RBFOX1: variants seen among roughly 807,000 people sequenced by gnomAD.
The protein encoded by RBFOX1 is RNA binding protein fox-1 homolog 1.
In RBFOX1, 8 loss-of-function variants were observed where a neutral mutation model predicts 57.7. That is an observed-to-expected ratio of 0.14 (90% CI 0.08 to 0.25). The LOEUF (loss-of-function observed/expected upper bound fraction) is 0.25. RBFOX1 is among the 10% of genes least tolerant of loss of function. The pLI is 1.00. For missense variants in RBFOX1, 611 were observed against 548.5 expected, an observed-to-expected ratio of 1.11 and a Z score of -1.14; for synonymous variants, 326 against 222.4, an observed-to-expected ratio of 1.47 and a Z score of -4.15.
chr16:7,212,003 C>T (rs780987921), intron 4 of RBFOX1, among the ~76,000 whole-genome samples: 11 of 152,140 alleles, frequency 7.2e-5, no homozygotes, highest in Non-Finnish European at 1.2e-4. Context: ...CCCCAAATAA[C>T]CTGCCTTGCC....
rs532846383 is a variant in RBFOX1, at chr16:6,435,295, G to GT, written c.-64+118244dup. Among the ~76,000 whole-genome samples the GT allele has an allele frequency of 2.0e-3, 300 of 152,096 alleles. 2 individuals carry two copies. Among genetic ancestry groups the GT allele is most frequent in the South Asian group, 5.2e-3 (25 of 4,816 alleles). On this transcript the variant is annotated intron_variant, in intron 2 of 15. Coordinates refer to ENST00000550418, the MANE Select transcript of RBFOX1 (RefSeq NM_018723.4). ...TTTTGTTATTGTTGTTATTGTTGTTGTTTTTTGTTTTGTTTTTGTTTTTGA... is the reference window on the plus strand; with the variant it reads ...TTTTGTTATTGTTGTTATTGTTGTTGTTTTTTTGTTTTGTTTTTGTTTTTGA...
chr16:6,802,020 T>C (rs1011955122), intron 3 of RBFOX1, among the ~76,000 whole-genome samples: 2 of 152,220 alleles, frequency 1.3e-5, no homozygotes, highest in East Asian at 1.9e-4. Flanking sequence ...GGAGTTCTTT[T>C]AGACCCCGCA....
chr16:5,609,140 G>A (rs1358775723), intron 3 of RBFOX1, among the ~76,000 whole-genome samples: 1 of 152,226 alleles, frequency 6.6e-6, no homozygotes, highest in Non-Finnish European at 1.5e-5. Context: ...GGAGGGAGGG[G>A]AGAGGGCTCT....
chr16:5,956,673 TATATA>T (rs1567189822), intron 4 of RBFOX1, among the ~76,000 whole-genome samples: 3 of 54,578 alleles, frequency 5.5e-5, no homozygotes, highest in East Asian at 4.9e-4. Flanking sequence ...TATATATATA[TATATA>T]TTTTTTTTGA....
At chr16:6,587,916 C>T (rs1242428122) in intron 2 of RBFOX1, among the ~76,000 whole-genome samples, 1 of 152,134 alleles carries the variant, frequency 6.6e-6, no homozygotes, top group African/African-American at 2.4e-5. Flanking sequence ...CTAAAGGCTT[C>T]AACATGCTTC....
chr16:5,274,106 A>G (rs1445340774), intron 1 of RBFOX1, among the ~76,000 whole-genome samples: 2 of 152,334 alleles, frequency 1.3e-5, no homozygotes, highest in African/African-American at 4.8e-5. Flanking sequence ...TGCATTTTCT[A>G]CTGGATGCAG....
intron 11 of RBFOX1, among the ~76,000 whole-genome samples, chr16:7,646,912 T>C (rs932652231): frequency 1.3e-5 from 2 of 152,128 alleles, no homozygotes; most frequent in Non-Finnish European, 2.9e-5. Flanking sequence ...TGTAAATACA[T>C]TGAGTGCAGG....
chr16:6,501,188 G>A (rs1250459296), intron 2 of RBFOX1, among the ~76,000 whole-genome samples: 2 of 140,328 alleles, frequency 1.4e-5, no homozygotes, highest in South Asian at 4.5e-4. Flanking sequence ...TGTGCACAAC[G>A]TGCAGGTTTG....
At chr16:5,671,628 C>T (rs561993352) in intron 3 of RBFOX1, among the ~76,000 whole-genome samples, 2 of 152,226 alleles carry the variant, frequency 1.3e-5, no homozygotes, top group East Asian at 1.9e-4. Flanking sequence ...AGCTGTTCTT[C>T]GTTTCCTATA....
chr16:5,975,507 A>G (rs186294924), intron 4 of RBFOX1, among the ~76,000 whole-genome samples: 25 of 152,314 alleles, frequency 1.6e-4, no homozygotes, highest in Admixed American at 1.6e-3. Context: ...ATTGCTTGGC[A>G]TTTGAAACTT....
At chr16:5,822,841 C>T (rs2055904735) in intron 3 of RBFOX1, among the ~76,000 whole-genome samples, 1 of 152,174 alleles carries the variant, frequency 6.6e-6, no homozygotes, top group Non-Finnish European at 1.5e-5. Flanking sequence ...CTGCCATGCA[C>T]ATCTTTGGGA....
At chr16:7,013,725 A>C (rs1477461804) in intron 3 of RBFOX1, among the ~76,000 whole-genome samples, 1 of 151,408 alleles carries the variant, frequency 6.6e-6, no homozygotes, top group African/African-American at 2.4e-5. Flanking sequence ...TGGCACAATC[A>C]CTGCTCACTG....
At chr16:6,957,997 G>A (rs1273207757) in intron 3 of RBFOX1, among the ~76,000 whole-genome samples, 1 of 152,146 alleles carries the variant, frequency 6.6e-6, no homozygotes, top group Non-Finnish European at 1.5e-5. Flanking sequence ...CCTGCATAGG[G>A]TGGGAAGGGA....
At chr16:7,327,135 A>T (rs1276299631) in intron 4 of RBFOX1, among the ~76,000 whole-genome samples, 1 of 152,202 alleles carries the variant, frequency 6.6e-6, no homozygotes, top group African/African-American at 2.4e-5. Context: ...CTTGGGTGGC[A>T]GGGACAACTT....
At chr16:5,955,169 C>T (rs1025484782) in intron 4 of RBFOX1, among the ~76,000 whole-genome samples, 5 of 105,398 alleles carry the variant, frequency 4.7e-5, no homozygotes, top group African/African-American at 1.8e-4. Flanking sequence ...GTAGTCCCAG[C>T]TTCTCAGGAG....
At chr16:5,693,759 C>T (rs1221547336) in intron 3 of RBFOX1, among the ~76,000 whole-genome samples, 1 of 152,128 alleles carries the variant, frequency 6.6e-6, no homozygotes, top group Non-Finnish European at 1.5e-5. Flanking sequence ...GGCTATGATT[C>T]TTTTTGCGTG....
At chr16:6,816,958 G>A (rs1053836793) in intron 3 of RBFOX1, among the ~76,000 whole-genome samples, 1 of 151,980 alleles carries the variant, frequency 6.6e-6, no homozygotes, top group African/African-American at 2.4e-5. Flanking sequence ...GAGTTGCCCA[G>A]GGTGGTCTCA....
intron 13 of RBFOX1, among the ~76,000 whole-genome samples, chr16:7,673,889 C>G (rs935147696): frequency 6.6e-6 from 1 of 152,202 alleles, no homozygotes; most frequent in South Asian, 2.1e-4. Context: ...GTCAAATGAT[C>G]TCGGAAGACC....
intron 5 of RBFOX1, among the ~76,000 whole-genome samples, chr16:7,541,106 C>T (rs754514661): frequency 4.2e-4 from 64 of 152,290 alleles, no homozygotes; most frequent in South Asian, 6.2e-4. Context: ...AGTTTATAGA[C>T]GCTGCTTTTC....
Sources: gnomAD v4.1 joint callset for allele counts (sites outside exome capture counted in the v4.1 genomes callset) on GRCh38, gnomAD v4.1.1 for gene constraint, MANE v1.5 for transcripts, NCBI Gene and HGNC (gene_info 2026-07-23, HGNC 2026-07-21) for gene names.